FLCN: variants seen among roughly 807,000 people sequenced by gnomAD.
FLCN encodes folliculin, also known as BHD skin lesion fibrofolliculoma protein.
FLCN carries 22 observed loss-of-function variants against 62.5 expected under a neutral mutation model. That is an observed-to-expected ratio of 0.35 (90% CI 0.25 to 0.50). The LOEUF (loss-of-function observed/expected upper bound fraction) is 0.50. Ranked by LOEUF, FLCN falls within the 20% of genes least tolerant of loss-of-function variation. The pLI, the probability that FLCN is intolerant of heterozygous loss-of-function variation, is 0.97. For missense variants in FLCN, 657 were observed against 778.0 expected, an observed-to-expected ratio of 0.84 and a Z score of 1.85; for synonymous variants, 319 against 310.0, an observed-to-expected ratio of 1.03 and a Z score of -0.30.
rs1290646710 is a variant in FLCN, at chr17:17,224,026, T to C, written c.514A>G (p.Ile172Val). 4 of 1,613,832 alleles carry C rather than the reference T, an allele frequency of 2.5e-6. No individual in the cohort carries two copies. Among genetic ancestry groups the C allele is most frequent in the Non-Finnish European group, 3.4e-6 (4 of 1,180,024 alleles). Reference protein sequence around the residue: ...LARGFQRWYSIITIMMDRIYL... With the variant: ...LARGFQRWYSVITIMMDRIYL... ...ATCCGGTCCATCATGATGGTGATGA[T>C]GCTGTACCAGCGCTGGAAGCCCCTG... The change falls in exon 6 of 14, where the codon ATC (isoleucine) becomes GTC (valine). Residue 172 changes from isoleucine to valine, a missense_variant. Transcript: ENST00000285071.
In FLCN at chr17:17,237,004, G is replaced by C. The variant is rs942331068; in HGVS notation, c.-320C>G. The C allele has an allele frequency of 3.3e-5, 5 of 152,170 alleles. No individual in the cohort carries two copies. The highest frequency in any genetic ancestry group is 6.5e-5 in the Admixed American group (1 of 15,284). 9.4% of individuals were successfully genotyped at this position (152,170 alleles called of 1,614,324 possible). A position where few individuals can be genotyped will look rare whatever the true frequency, so the allele number is the denominator to read the frequency against. On this transcript the variant is annotated 5_prime_UTR_variant, in exon 1 of 14. Transcript: ENST00000285071. Reference sequence around the variant, plus strand: ...CCCCGCCCCTGACTGCGCTGGGTAGGTGGTCGCTGCGGGACCCGGACCGGC... The same window carrying C: ...CCCCGCCCCTGACTGCGCTGGGTAGCTGGTCGCTGCGGGACCCGGACCGGC...
intron 11 of FLCN, among the ~76,000 whole-genome samples, chr17:17,215,782 C>T (rs940089308): frequency 6.6e-6 from 1 of 152,190 alleles, no homozygotes; most frequent in African/African-American, 2.4e-5. Flanking sequence ...TGATTGGGGG[C>T]TCAGGGTAGC....
rs754300911 is a variant in FLCN, at chr17:17,216,367, C to T, written c.1300+13G>A. ...GCGCAGGGCATGGCCCCACAGCCCG[C>T]GGGGGCACGCACCTGAGGAGAGCAC... is the stretch of plus-strand genomic sequence containing the variant. On this transcript the variant is annotated intron_variant, in intron 11 of 13. Coordinates refer to ENST00000285071, the MANE Select transcript of FLCN (RefSeq NM_144997.7). This position sits in a 1 kb window ranked among gnomAD's most constrained non-coding sequence, Gnocchi z 4.0. The T allele has an allele frequency of 3.3e-5, 53 of 1,612,870 alleles. No homozygotes were observed. The highest frequency in any genetic ancestry group is 1.0e-4 in the Admixed American group (6 of 59,934).
chr17:17,228,886 C>CT (rs1280798178), intron 3 of FLCN: 1 of 152,374 alleles, frequency 6.6e-6, no homozygotes, highest in Non-Finnish European at 1.5e-5. Context: ...TTATCAGAGA[C>CT]TGGGGAGGCT....
intron 4 of FLCN, among the ~76,000 whole-genome samples, 177 bp downstream of exon 4, chr17:17,227,711 CA>C (rs911178942): frequency 1.3e-5 from 2 of 151,328 alleles, no homozygotes; most frequent in African/African-American, 4.9e-5. Flanking sequence ...AACTCTGTCT[CA>C]AAAAAAACAA....
intron 4 of FLCN, among the ~76,000 whole-genome samples, chr17:17,226,961 G>A (rs546149615): frequency 2.0e-4 from 30 of 152,248 alleles, no homozygotes; most frequent in Non-Finnish European, 2.8e-4. Context: ...TCTCCCCACA[G>A]TGTCGCAGGA....
chr17:17,216,151 C>G lies in FLCN; in HGVS notation c.1300+229G>C, dbSNP rs1372184367. 6.6e-6 allele frequency among the ~76,000 whole-genome samples: 1 copy of G among 152,176 alleles called. No homozygotes were observed. The highest frequency in any genetic ancestry group is 2.4e-5 in the African/African-American group (1 of 41,444). On this transcript the variant is annotated intron_variant, in intron 11 of 13. Transcript: ENST00000285071. This position sits in a 1 kb window ranked among gnomAD's most constrained non-coding sequence, Gnocchi z 4.0. ...CATCCTCCCACCCCACGATGGTGAC[C>G]TGCAGCCCACTGACGACAGTCCCTG... is the stretch of plus-strand genomic sequence containing the variant.
rs201662864 is a variant in FLCN, at chr17:17,216,359, A to G, written c.1300+21T>C. The G allele has an allele frequency of 5.7e-5, 92 of 1,612,788 alleles. No homozygotes were observed. The Admixed American group carries it at 9.3e-4, about 16-fold the overall frequency. ...GAACCTCAGCGCAGGGCATGGCCCCACAGCCCGCGGGGGCACGCACCTGAG... is the reference window on the plus strand; with the variant it reads ...GAACCTCAGCGCAGGGCATGGCCCCGCAGCCCGCGGGGGCACGCACCTGAG... On this transcript the variant is annotated intron_variant, in intron 11 of 13. Transcript: ENST00000285071. This position sits in a 1 kb window ranked among gnomAD's most constrained non-coding sequence, Gnocchi z 4.0.
Position 17,212,886 on chromosome 17 carries a change from G to C in FLCN, c.*769C>G. 1 of 232,006 alleles carries C rather than the reference G, an allele frequency of 4.3e-6. No homozygotes were observed. Among genetic ancestry groups the C allele is most frequent in the Non-Finnish European group, 8.5e-6 (1 of 117,384 alleles). The allele number at this position is 232,006 out of a possible 1,614,324, so 14.4% of individuals were successfully genotyped here. On this transcript the variant is annotated 3_prime_UTR_variant, in exon 14 of 14. Coordinates refer to ENST00000285071, the MANE Select transcript of FLCN (RefSeq NM_144997.7). ...CGTAAATGTTGAAAGCAGCAATAAA[G>C]ACAAAAGCGATACAGAATAAAAGCA...
intron 3 of FLCN, 33 bp from the exon 4 acceptor site, chr17:17,228,194 A>G (rs1302550763): frequency 1.9e-6 from 3 of 1,593,988 alleles, no homozygotes; most frequent in Admixed American, 1.7e-5. Context: ...CAGCTTGCCA[A>G]TGCCTATTGA....
chr17:17,226,368 C>T (rs560788586), intron 4 of FLCN, 46 bp from the exon 5 acceptor site: 49 of 1,611,462 alleles, frequency 3.0e-5, no homozygotes, highest in Middle Eastern at 1.6e-4. Flanking sequence ...GGAAGCAGGG[C>T]GACAAACTCT....
At chr17:17,232,440 C>A (rs759071809) in intron 2 of FLCN, among the ~76,000 whole-genome samples, 1 of 152,056 alleles carries the variant, frequency 6.6e-6, no homozygotes, top group Admixed American at 6.6e-5. Flanking sequence ...AAGAAAGGGG[C>A]GGAATCTAGG....
At chr17:17,220,581 C>G (rs908987282) in intron 8 of FLCN, 1 of 152,460 alleles carries the variant, frequency 6.6e-6, no homozygotes, top group Non-Finnish European at 1.5e-5. Flanking sequence ...AAAGGGCAAG[C>G]CCTGAGCCCG....
chr17:17,227,105 C>A (rs1290468875), intron 4 of FLCN, among the ~76,000 whole-genome samples: 1 of 152,194 alleles, frequency 6.6e-6, no homozygotes, highest in African/African-American at 2.4e-5. Context: ...AGCTCTTACA[C>A]GTCCTCTGCT....
rs774725046 is a variant in FLCN, at chr17:17,227,970, A to T, written c.168T>A (p.Ser56Arg). Residue 56 changes from serine (S) to arginine (R), a missense_variant, in exon 4 of 14, where the codon AGT (serine) becomes AGA (arginine). By Grantham distance (110) the Ser-to-Arg change is moderately radical. Coordinates refer to ENST00000285071, the MANE Select transcript of FLCN (RefSeq NM_144997.7). ...EEEEGGIQMN[S>R]RMRAHSPAEG... The stretch of plus-strand genomic sequence containing the variant: ...CTGCGGGGCTGTGCGCACGCATCCG[A>T]CTGTTCATCTGAATGCCACCTTCCT... The T allele has an allele frequency of 6.2e-7, 1 of 1,614,136 alleles. No individual in the cohort carries two copies. The highest frequency in any genetic ancestry group is 1.1e-5 in the South Asian group (1 of 91,080).
intron 8 of FLCN, chr17:17,221,336 C>T (rs753276801): frequency 4.8e-5 from 75 of 1,565,152 alleles, no homozygotes; most frequent in Middle Eastern, 1.7e-4. Flanking sequence ...TTTCACATGG[C>T]GGTCAAGGCA....
chr17:17,223,156 T>C (rs1288711747), intron 6 of FLCN: 1 of 266,490 alleles, frequency 3.8e-6, no homozygotes, highest in Non-Finnish European at 7.4e-6. Context: ...TGCAATGGTG[T>C]GATCTCGGCT....
rs2144981810 is a variant in FLCN, at chr17:17,224,107, C to T, written c.433G>A (p.Asp145Asn). ...CTGAACACAAAGCCGTGCTGCTCAT[C>T]TCCGAAGAAGATGGGGCCTTCACGG... The part of the protein sequence containing the change: ...PGREGPIFFG[D>N]EQHGFVFSHT... Residue 145 changes from aspartate (D) to asparagine (N), a missense_variant, in exon 6 of 14, where the codon GAT (aspartate) becomes AAT (asparagine). Physicochemically the swap from Asp to Asn is conservative, Grantham distance 23. Coordinates refer to ENST00000285071, the MANE Select transcript of FLCN (RefSeq NM_144997.7). The T allele has an allele frequency of 6.2e-7, 1 of 1,607,902 alleles. No homozygotes were observed. The highest frequency in any genetic ancestry group is 8.5e-7 in the Non-Finnish European group (1 of 1,177,222).
Position 17,228,159 on chromosome 17 carries a change from G to T in FLCN, c.-22C>A. 6.2e-7 allele frequency: 1 copy of T among 1,610,244 alleles called. No individual in the cohort carries two copies. Among genetic ancestry groups the T allele is most frequent in the South Asian group, 1.1e-5 (1 of 91,036 alleles). On this transcript the variant is annotated splice_region_variant and 5_prime_UTR_variant, in exon 4 of 14. The change creates a new upstream start codon in the 5' untranslated region. Transcript: ENST00000285071. ...TCATGGTGCCTTGGAGACTGCAACA[G>T]GCCTGCGTGGGACAGGGGACATGTC...
Sources: gnomAD v4.1 joint callset for allele counts (sites outside exome capture counted in the v4.1 genomes callset) on GRCh38, gnomAD v4.1.1 for gene constraint, Gnocchi (gnomAD v3.1) non-coding constraint, MANE v1.5 for transcripts, NCBI Gene and HGNC (gene_info 2026-07-23, HGNC 2026-07-21) for gene names.